The following GRIP1 variants were observed in gnomAD, a reference collection of about 807,000 sequenced individuals.
The protein encoded by GRIP1 is glutamate receptor interacting protein 1.
Under a neutral mutation model 129.9 loss-of-function variants are expected in GRIP1, and 45 were observed. The ratio of observed to expected loss-of-function variants is 0.35; its 90% CI spans 0.27 to 0.44. The LOEUF (loss-of-function observed/expected upper bound fraction) is 0.44, where lower values mean the gene tolerates loss of function less well. Among genes scored for constraint, GRIP1 ranks in the 20% least tolerant of loss-of-function variants. The pLI, the probability that GRIP1 is intolerant of heterozygous loss-of-function variation, is 1.00. For synonymous variants in GRIP1, 530 were observed against 520.8 expected, an observed-to-expected ratio of 1.02 and a Z score of -0.24; for missense variants, 1,196 against 1,396.8, an observed-to-expected ratio of 0.86 and a Z score of 2.29.
intron 7 of GRIP1, among the ~76,000 whole-genome samples, chr12:66,496,854 G>GGAAAA (rs1192638101): frequency 7.2e-6 from 1 of 138,116 alleles, no homozygotes; most frequent in Non-Finnish European, 1.6e-5. Context: ...GGAAGAGAAG[G>GGAAAA]GAAAAGAAAA....
intron 1 of GRIP1, among the ~76,000 whole-genome samples, chr12:66,952,033 A>C (rs2041765707): frequency 6.6e-6 from 1 of 152,190 alleles, no homozygotes; most frequent in Non-Finnish European, 1.5e-5. Flanking sequence ...AATTGATGAT[A>C]GATTGAGGCA....
chr12:66,963,846 T>C (rs763425920), intron 1 of GRIP1, among the ~76,000 whole-genome samples: 29 of 152,166 alleles, frequency 1.9e-4, no homozygotes, highest in South Asian at 1.4e-3. Context: ...AAGCTAAACA[T>C]GACCAACACT....
chr12:66,497,688 G>A (rs913467144), intron 7 of GRIP1, among the ~76,000 whole-genome samples: 1 of 152,180 alleles, frequency 6.6e-6, no homozygotes, highest in Non-Finnish European at 1.5e-5. Flanking sequence ...AGAGATGGCA[G>A]CATCTGTGAG....
intron 1 of GRIP1, among the ~76,000 whole-genome samples, chr12:67,062,089 C>T (rs2043546238): frequency 6.6e-6 from 1 of 152,160 alleles, no homozygotes; most frequent in Admixed American, 6.5e-5. Flanking sequence ...AAGTCCCTCC[C>T]TTTTCAAATG....
intron 1 of GRIP1, among the ~76,000 whole-genome samples, chr12:67,062,576 C>T (rs1159088722): frequency 6.6e-6 from 1 of 152,048 alleles, no homozygotes; most frequent in Non-Finnish European, 1.5e-5. Context: ...CTCTTCTCTG[C>T]TCCCTCCGCA....
intron 19 of GRIP1, among the ~76,000 whole-genome samples, chr12:66,380,232 T>C (rs1369809045): frequency 6.6e-6 from 1 of 152,240 alleles, no homozygotes; most frequent in East Asian, 1.9e-4. Flanking sequence ...TTGAAAGTGC[T>C]TGGGCCCTGG....
At chr12:66,585,106 T>TTC (rs372695221) in intron 2 of GRIP1, among the ~76,000 whole-genome samples, 37,022 of 133,128 alleles carry the variant, frequency 0.28, 4,571 homozygotes, top group African/African-American at 0.35. Flanking sequence ...TTTTTCCTTC[T>TTC]TTTTTTTTAT....
intron 2 of GRIP1, among the ~76,000 whole-genome samples, chr12:66,542,593 C>A (rs937172369): frequency 2.0e-5 from 3 of 152,076 alleles, no homozygotes; most frequent in African/African-American, 7.2e-5. Flanking sequence ...TCTCTGCTTA[C>A]GAAATTTTAA....
At chr12:66,500,051 T>G (rs10784547) in intron 7 of GRIP1, among the ~76,000 whole-genome samples, 29,105 of 152,042 alleles carry the variant, frequency 0.19, 2,994 homozygotes, top group East Asian at 0.32. Flanking sequence ...TTTGAAAGGC[T>G]GTAATAGCAG....
chr12:66,647,104 C>T (rs1391341392), intron 1 of GRIP1, among the ~76,000 whole-genome samples: 1 of 152,170 alleles, frequency 6.6e-6, no homozygotes, highest in Non-Finnish European at 1.5e-5. Context: ...CTGAACTTAA[C>T]CATTGTGCTA....
At chr12:66,569,173 T>C in intron 2 of GRIP1, 1 of 231,638 alleles carries the variant, frequency 4.3e-6, no homozygotes, top group Non-Finnish European at 8.5e-6. Flanking sequence ...AATTGTTCTA[T>C]CAAGATTTGT....
intron 1 of GRIP1, among the ~76,000 whole-genome samples, chr12:66,779,018 G>A (rs1055813849): frequency 1.3e-5 from 2 of 152,104 alleles, no homozygotes; most frequent in Non-Finnish European, 2.9e-5. Flanking sequence ...ACATAGCTTT[G>A]GGAGCACTTT....
At chr12:66,426,334 A>G (rs1233089150) in intron 14 of GRIP1, among the ~76,000 whole-genome samples, 1 of 151,816 alleles carries the variant, frequency 6.6e-6, no homozygotes, top group African/African-American at 2.4e-5. Flanking sequence ...TTCTTCACTT[A>G]TTTGTTGTTC....
chr12:66,632,917 A>C (rs1433673446), intron 1 of GRIP1, among the ~76,000 whole-genome samples: 1 of 152,166 alleles, frequency 6.6e-6, no homozygotes, highest in Non-Finnish European at 1.5e-5. Flanking sequence ...TTTATAAAGA[A>C]GAAAATTGAA....
At chr12:66,794,876 A>G (rs1476231030) in intron 1 of GRIP1, among the ~76,000 whole-genome samples, 2 of 152,202 alleles carry the variant, frequency 1.3e-5, no homozygotes, top group Non-Finnish European at 2.9e-5. Context: ...GCATTGGTAG[A>G]TAAAACCAGC....
At chr12:66,792,535 T>C (rs979501424) in intron 1 of GRIP1, among the ~76,000 whole-genome samples, 1 of 152,152 alleles carries the variant, frequency 6.6e-6, no homozygotes, top group Non-Finnish European at 1.5e-5. Context: ...CAAAACCCCA[T>C]ATCTACAAAA....
chr12:66,736,229 C>T (rs898472376), intron 1 of GRIP1, among the ~76,000 whole-genome samples: 3 of 151,730 alleles, frequency 2.0e-5, no homozygotes, highest in Non-Finnish European at 4.4e-5. Context: ...ACAGTGGCAC[C>T]ATCATAGCAC....
intron 1 of GRIP1, among the ~76,000 whole-genome samples, chr12:66,894,299 A>G (rs1278347459): frequency 6.6e-6 from 1 of 151,394 alleles, no homozygotes; most frequent in Non-Finnish European, 1.5e-5. Flanking sequence ...CTATCAGTTC[A>G]CTCTCAGCCT....
chr12:66,495,458 A>G (rs1472739584), intron 7 of GRIP1, among the ~76,000 whole-genome samples: 1 of 152,132 alleles, frequency 6.6e-6, no homozygotes, highest in Non-Finnish European at 1.5e-5. Flanking sequence ...ACTGTTATGG[A>G]TTGAGTTTTA....
Sources: allele counts gnomAD v4.1 joint callset (sites outside exome capture counted in the v4.1 genomes callset), GRCh38; gene constraint gnomAD v4.1.1; transcripts MANE v1.5; gene names NCBI Gene and HGNC (gene_info 2026-07-23, HGNC 2026-07-21).